Variants in ARHGEF33 observed in about 807,000 individuals in gnomAD.
The protein encoded by ARHGEF33 is DH and coiled-coil domain-containing protein ENSP00000381780.
A neutral mutation model predicts 101.9 loss-of-function variants in ARHGEF33; 72 were observed. That is an observed-to-expected ratio of 0.71 (90% CI 0.58 to 0.86). The LOEUF (loss-of-function observed/expected upper bound fraction) is 0.86, where lower values mean the gene tolerates loss of function less well. Ranked by LOEUF, ARHGEF33 falls within the 40% of genes least tolerant of loss-of-function variation. The pLI is 0.00. For synonymous variants in ARHGEF33, 499 were observed against 442.5 expected (o/e 1.13, Z -1.60); for missense variants, 1,169 against 1,111.3 (o/e 1.05, Z -0.74).
At chr2:38,907,541 C>T (rs552302140) in intron 2 of ARHGEF33, among the ~76,000 whole-genome samples, 2 of 152,298 alleles carry the variant, frequency 1.3e-5, no homozygotes, top group African/African-American at 2.4e-5. Context: ...ACTCAGCCAC[C>T]TGGTTCAGAT....
intron 2 of ARHGEF33, among the ~76,000 whole-genome samples, chr2:38,898,164 T>G (rs569987955): frequency 5.3e-4 from 80 of 152,326 alleles, no homozygotes; most frequent in African/African-American, 1.7e-3. Flanking sequence ...CGAGACCACT[T>G]GATTCTGATT....
At chr2:38,953,435 C>A (rs1351997853) in intron 12 of ARHGEF33, among the ~76,000 whole-genome samples, 190 bp downstream of exon 12, 1 of 152,218 alleles carries the variant, frequency 6.6e-6, no homozygotes, top group East Asian at 1.9e-4. Context: ...TGTTGGTCCT[C>A]TCCCTGCCTT....
At chr2:38,971,961 T>TGCATGTTGGAACCATCAAAGTGTG in intron 17 of ARHGEF33, 1 of 718,548 alleles carries the variant, frequency 1.4e-6, no homozygotes, top group Non-Finnish European at 2.6e-6. Context: ...ACTAAACAGT[T>TGCATGTTGGAACCATCAAAGTGTG]GCATGTTGGA....
intron 7 of ARHGEF33, 30 bp downstream of exon 7, chr2:38,931,281 C>A: frequency 6.6e-7 from 1 of 1,518,422 alleles, no homozygotes; most frequent in Non-Finnish European, 8.8e-7. Context: ...CTGAATTAAT[C>A]AAGTATTTTT....
intron 4 of ARHGEF33, among the ~76,000 whole-genome samples, chr2:38,928,153 C>G (rs966372122): frequency 3.3e-5 from 5 of 152,144 alleles, no homozygotes; most frequent in African/African-American, 1.2e-4. Flanking sequence ...GCCTAAGGTC[C>G]TAGTACTTTA....
rs150977797 is a variant in ARHGEF33, at chr2:38,900,428, T to C, written c.-86+4579T>C. On this transcript the variant is annotated intron_variant, in intron 2 of 17. Transcript: ENST00000409978. ...ATAGAAGATGGGAGGAACAAAGGCA[T>C]AGAGGCATGAAAGTGTTTGGTGAAA... is the stretch of plus-strand genomic sequence containing the variant. Among the ~76,000 whole-genome samples the C allele has an allele frequency of 3.0e-3, 452 of 152,268 alleles. 4 individuals carry two copies. The highest frequency in any genetic ancestry group is 0.01 in the Middle Eastern group (3 of 294).
At chr2:38,953,041 A>G in intron 11 of ARHGEF33, 121 bp from the exon 12 acceptor site, 1 of 621,670 alleles carries the variant, frequency 1.6e-6, no homozygotes, top group Non-Finnish European at 2.9e-6. Flanking sequence ...AAAATGAAGA[A>G]CATATTAAAT....
At chr2:38,892,124 G>A (rs1200841778) in intron 1 of ARHGEF33, among the ~76,000 whole-genome samples, 2 of 152,140 alleles carry the variant, frequency 1.3e-5, no homozygotes, top group African/African-American at 4.8e-5. Flanking sequence ...ATCCATTTGA[G>A]GAAATCTCTA....
intron 9 of ARHGEF33, among the ~76,000 whole-genome samples, chr2:38,940,015 C>T (rs989017399): frequency 2.0e-5 from 3 of 152,016 alleles, no homozygotes; most frequent in African/African-American, 7.2e-5. Flanking sequence ...ATTTTTTTTC[C>T]AGATGGCTAT....
At chr2:38,959,618 G>C (rs570528663) in intron 15 of ARHGEF33, 1 of 490,148 alleles carries the variant, frequency 2.0e-6, no homozygotes, top group Admixed American at 3.6e-5. Context: ...CCATTTCCCA[G>C]AAGCTCAGAC....
chr2:38,945,591 G>A (rs952398568), intron 10 of ARHGEF33, among the ~76,000 whole-genome samples: 3 of 152,186 alleles, frequency 2.0e-5, no homozygotes, highest in African/African-American at 7.2e-5. Flanking sequence ...GTCTCTATGG[G>A]CTCCAGCTGT....
intron 7 of ARHGEF33, among the ~76,000 whole-genome samples, chr2:38,932,208 T>G (rs549435009): frequency 9.2e-5 from 14 of 152,100 alleles, no homozygotes; most frequent in Non-Finnish European, 2.1e-4. Context: ...CTGCAACTTC[T>G]GCCTCCCGGG....
At chr2:38,905,119 G>GA (rs763495695) in intron 2 of ARHGEF33, among the ~76,000 whole-genome samples, 3 of 151,894 alleles carry the variant, frequency 2.0e-5, no homozygotes, top group Non-Finnish European at 4.4e-5. Flanking sequence ...GGTGACCATG[G>GA]AACAGCCCAG....
chr2:38,967,391 A>G (rs1193484919), intron 17 of ARHGEF33, among the ~76,000 whole-genome samples: 1 of 152,220 alleles, frequency 6.6e-6, no homozygotes, highest in Non-Finnish European at 1.5e-5. Context: ...AACCCAGTGC[A>G]TGCTTGCATG....
chr2:38,922,099 T>G lies in ARHGEF33; in HGVS notation c.75+676T>G, dbSNP rs773523521. ...AAGTGGTATTTACTTGGCTTCTGTC[T>G]CCCAACTGTAAATTTAAAGCACATC... On this transcript the variant is annotated intron_variant, in intron 4 of 17. Transcript: ENST00000409978. 2.8e-4 allele frequency among the ~76,000 whole-genome samples: 43 copies of G among 152,278 alleles called. No individual in the cohort carries two copies. The South Asian group carries it at 3.9e-3, about 14-fold the overall frequency.
At position 38,960,649 on chromosome 2, in the gene ARHGEF33, G is replaced by A. The variant is rs775691849; in HGVS notation, c.2343+1G>A. ...ACAGACCTATTTGGAAGTAAGGAGG[G>A]TAAAGTAAAACCGAACCGAAACCCA... On this transcript the variant is annotated splice_donor_variant, in intron 16 of 17. Coordinates refer to ENST00000409978, the MANE Select transcript of ARHGEF33 (RefSeq NM_001145451.5). LOFTEE classifies it high-confidence loss of function. 3.5e-6 allele frequency: 5 copies of A among 1,417,474 alleles called. No homozygotes were observed. Among genetic ancestry groups the A allele is most frequent in the African/African-American group, 1.5e-5 (1 of 65,822 alleles). 87.8% of individuals were successfully genotyped at this position (1,417,474 alleles called of 1,614,324 possible).
intron 16 of ARHGEF33, among the ~76,000 whole-genome samples, chr2:38,961,145 A>G (rs996762651): frequency 6.6e-6 from 1 of 152,230 alleles, no homozygotes; most frequent in African/African-American, 2.4e-5. Flanking sequence ...TCCCGGCAGC[A>G]TTCTTGCTTG....
At chr2:38,954,971 C>T (rs940372776) in intron 13 of ARHGEF33, among the ~76,000 whole-genome samples, 1 of 152,156 alleles carries the variant, frequency 6.6e-6, no homozygotes, top group Admixed American at 6.5e-5. Flanking sequence ...GCTCATGATG[C>T]TTACCTCTGA....
At chr2:38,918,175 C>G (rs1019420764) in intron 2 of ARHGEF33, among the ~76,000 whole-genome samples, 13 of 152,206 alleles carry the variant, frequency 8.5e-5, no homozygotes, top group Non-Finnish European at 1.6e-4. Flanking sequence ...CATAGTACAA[C>G]TGTCCTAGTG....
Sources: gnomAD v4.1 joint callset for allele counts (sites outside exome capture counted in the v4.1 genomes callset) on GRCh38, gnomAD v4.1.1 for gene constraint, MANE v1.5 for transcripts, NCBI Gene and HGNC (gene_info 2026-07-23, HGNC 2026-07-21) for gene names.